LPA: variants seen among roughly 807,000 people sequenced by gnomAD.
LPA encodes apolipoprotein(a).
A neutral mutation model predicts 197.9 loss-of-function variants in LPA; 199 were observed. The observed-to-expected ratio is 1.01, with a 90% CI of 0.90 to 1.13. The LOEUF is 1.13. LPA is among the 50% of genes most tolerant of loss of function. LPA has a pLI of 0.00. For missense variants in LPA, 1,853 were observed against 1,785.8 expected, an observed-to-expected ratio of 1.04 and a Z score of -0.68; for synonymous variants, 715 against 639.5, an observed-to-expected ratio of 1.12 and a Z score of -1.78.
At position 160,595,592 on chromosome 6, in the gene LPA, T is replaced by G; in HGVS notation, c.3288-57A>C. 4 of 1,611,404 alleles carry G rather than the reference T, an allele frequency of 2.5e-6. No individual in the cohort carries two copies. In the South Asian group the frequency reaches 4.4e-5, roughly 18 times the overall value. ...AGATGGGAGAAGATTCAAGGGCACT[T>G]AGCGCCCTCTACATTTTGCTGTAAC... On this transcript the variant is annotated intron_variant, in intron 20 of 38. Coordinates refer to ENST00000316300, the MANE Select transcript of LPA (RefSeq NM_005577.4).
intron 28 of LPA, among the ~76,000 whole-genome samples, chr6:160,563,832 T>C (rs1353379664): frequency 6.6e-6 from 1 of 152,242 alleles, no homozygotes; most frequent in East Asian, 1.9e-4. Context: ...CTCCTTTGTC[T>C]CTTTTGATCT....
chr6:160,654,960 G>T (rs1228754267), intron 1 of LPA, among the ~76,000 whole-genome samples: 1 of 152,114 alleles, frequency 6.6e-6, no homozygotes, highest in Non-Finnish European at 1.5e-5. Flanking sequence ...GGTGCAGGCT[G>T]GGGGAGGGAA....
chr6:160,547,686 A>T, intron 32 of LPA, 103 bp downstream of exon 32: 1 of 1,505,844 alleles, frequency 6.6e-7, no homozygotes, highest in Non-Finnish European at 9.2e-7. Context: ...AAGGCTAATT[A>T]CGCTTAGCCT....
At chr6:160,590,847 T>G in intron 23 of LPA, 97 bp downstream of exon 23, 2 of 1,508,386 alleles carry the variant, frequency 1.3e-6, no homozygotes, top group Non-Finnish European at 1.8e-6. Flanking sequence ...ACATTCAGAT[T>G]CCCGTGCAGC....
chr6:160,540,334 GA>G (rs1343456724), intron 35 of LPA, 151 bp from the exon 36 acceptor site: 1 of 797,092 alleles, frequency 1.3e-6, no homozygotes, highest in Middle Eastern at 3.5e-4. Context: ...CAATTTGCTG[GA>G]AACTGACAGT....
At chr6:160,544,259 A>C (rs539578315) in intron 33 of LPA, among the ~76,000 whole-genome samples, 6 of 152,262 alleles carry the variant, frequency 3.9e-5, no homozygotes, top group African/African-American at 1.2e-4. Context: ...AGTGGCGTGT[A>C]CTAGATGGGG....
At chr6:160,534,493 G>C (rs568903637) in intron 37 of LPA, among the ~76,000 whole-genome samples, 1 of 152,284 alleles carries the variant, frequency 6.6e-6, no homozygotes, top group African/African-American at 2.4e-5. Context: ...GATCAGCCCA[G>C]TGATTGCAGA....
chr6:160,555,455 ATG>A (rs112444533), intron 30 of LPA, among the ~76,000 whole-genome samples: 4 of 133,078 alleles, frequency 3.0e-5, no homozygotes, highest in East Asian at 2.1e-4. Flanking sequence ...ATATATATAT[ATG>A]TGTGTGTATA....
chr6:160,547,831 C>T lies in LPA; in HGVS notation c.5262G>A (p.Thr1754=), dbSNP rs149574804. 0.012 allele frequency: 18,593 copies of T among 1,614,074 alleles called. 193 individuals carry two copies. The highest frequency in any genetic ancestry group is 0.013 in the Middle Eastern group (81 of 6,060). ...WAAQEPHRHS[T]FIPGTNKWAG... ...CCCATTTATTTGTCCCTGGAATGAA[C>T]GTGCTGTGTCTATGGGGCTCCTGGG... Residue 1754 remains threonine (T), a synonymous_variant, in exon 32 of 39, where the codon ACG becomes ACA. Transcript: ENST00000316300.
intron 34 of LPA, 80 bp from the exon 35 acceptor site, chr6:160,541,261 G>A (rs1364889788): frequency 9.8e-7 from 1 of 1,024,620 alleles, no homozygotes; most frequent in African/African-American, 1.6e-5. Flanking sequence ...AGGAAGACAA[G>A]TTCACTCAGT....
chr6:160,634,965 C>T (rs1461912522), intron 7 of LPA, among the ~76,000 whole-genome samples, 158 bp downstream of exon 7: 1 of 150,244 alleles, frequency 6.7e-6, no homozygotes, highest in Non-Finnish European at 1.5e-5. Flanking sequence ...ACTCCGCTGG[C>T]TCCCCCAGAG....
intron 16 of LPA, among the ~76,000 whole-genome samples, chr6:160,608,414 G>T (rs1189797926): frequency 6.6e-6 from 1 of 152,028 alleles, no homozygotes; most frequent in Non-Finnish European, 1.5e-5. Context: ...TAACATTCCC[G>T]GTATCTGGCT....
chr6:160,555,484 T>C (rs1034062632), intron 30 of LPA, among the ~76,000 whole-genome samples: 1 of 146,450 alleles, frequency 6.8e-6, no homozygotes, highest in African/African-American at 2.5e-5. Context: ...TGTATATATA[T>C]ATGAATACTA....
intron 18 of LPA, among the ~76,000 whole-genome samples, chr6:160,604,686 C>T (rs1485375995): frequency 6.6e-6 from 1 of 152,130 alleles, no homozygotes; most frequent in Non-Finnish European, 1.5e-5. Flanking sequence ...AGAACCTTCA[C>T]TTCAGGAATT....
chr6:160,580,970 CA>C (rs1237739501), intron 26 of LPA, among the ~76,000 whole-genome samples: 6 of 151,378 alleles, frequency 4.0e-5, no homozygotes, highest in East Asian at 1.9e-4. Context: ...GTTCTTCCCT[CA>C]AAAAATTTTT....
In LPA at chr6:160,635,288, A is replaced by C; in HGVS notation, c.910T>G (p.Tyr304Asp). The change falls in exon 7 of 39, where the codon TAC becomes GAC. Residue 304 changes from tyrosine to aspartate, a missense_variant. Tyr to Asp is a radical substitution (Grantham distance 160, BLOSUM62 -3). Around this residue, in one of 3 missense-constraint regions of LPA, gnomAD observed 28 missense variants for 198.4 expected, o/e 0.14. Coordinates refer to ENST00000316300, the MANE Select transcript of LPA (RefSeq NM_005577.4). Reference sequence around the variant, plus strand: ...GCCACAGCATCTGGATTCCTGCAGTAGTTCATGATCAAGCCACTGGAAATT... The same window carrying C: ...GCCACAGCATCTGGATTCCTGCAGTCGTTCATGATCAAGCCACTGGAAATT... ...YYPNAGLIMN[Y>D]CRNPDAVAAP... 1 of 1,197,870 alleles carries C rather than the reference A, an allele frequency of 8.3e-7. No homozygotes were observed. Among genetic ancestry groups the C allele is most frequent in the Non-Finnish European group, 1.2e-6 (1 of 860,056 alleles). 74.2% of individuals were successfully genotyped at this position (1,197,870 alleles called of 1,614,324 possible).
chr6:160,601,791 G>T (rs1327931134), intron 18 of LPA, among the ~76,000 whole-genome samples: 1 of 152,294 alleles, frequency 6.6e-6, no homozygotes, highest in Middle Eastern at 3.4e-3. Context: ...CTCTAGGATG[G>T]GTTCCTGGTC....
chr6:160,599,733 A>G, intron 19 of LPA, 74 bp from the exon 20 acceptor site: 1 of 1,539,762 alleles, frequency 6.5e-7, no homozygotes, highest in South Asian at 1.1e-5. Flanking sequence ...TTTATGACAT[A>G]AACCAAAAAA....
At chr6:160,555,271 T>C (rs796083988) in intron 30 of LPA, among the ~76,000 whole-genome samples, 7 of 125,028 alleles carry the variant, frequency 5.6e-5, no homozygotes, top group Non-Finnish European at 9.9e-5. Flanking sequence ...TATATTATAT[T>C]ATATTATATT....
Sources: gnomAD v4.1 joint callset for allele counts (sites outside exome capture counted in the v4.1 genomes callset) on GRCh38, gnomAD v4.1.1 for gene constraint, gnomAD v4.1.1 regional missense constraint, MANE v1.5 for transcripts, NCBI Gene and HGNC (gene_info 2026-07-23, HGNC 2026-07-21) for gene names.